The following NOS1AP variants were observed in gnomAD, a reference collection of about 807,000 sequenced individuals.
NOS1AP encodes the protein nitric oxide synthase 1 adaptor protein, also known as carboxyl-terminal PDZ ligand of neuronal nitric oxide synthase protein.
In NOS1AP, 21 loss-of-function variants were observed where a neutral mutation model predicts 56.2. The ratio of observed to expected loss-of-function variants is 0.37; its 90% confidence interval spans 0.26 to 0.54. The LOEUF (loss-of-function observed/expected upper bound fraction) is 0.54. NOS1AP is among the 20% of genes least tolerant of loss of function. The pLI is 0.84. For synonymous variants in NOS1AP, 270 were observed against 274.6 expected, an observed-to-expected ratio of 0.98 and a Z score of 0.17; for missense variants, 522 against 657.8, an observed-to-expected ratio of 0.79 and a Z score of 2.26.
chr1:162,216,549 A>G (rs1190565648), intron 2 of NOS1AP, among the ~76,000 whole-genome samples: 5 of 152,174 alleles, frequency 3.3e-5, no homozygotes, highest in Non-Finnish European at 1.5e-5. Flanking sequence ...TATGTACTTT[A>G]GGCAAGTCGC....
intron 1 of NOS1AP, among the ~76,000 whole-genome samples, chr1:162,100,598 A>T (rs1319258120): frequency 6.6e-6 from 1 of 151,444 alleles, no homozygotes; most frequent in Admixed American, 6.6e-5. Flanking sequence ...GTTCACTCTG[A>T]TGGTATTTTC....
At chr1:162,346,905 C>T (rs1156396715) in intron 6 of NOS1AP, among the ~76,000 whole-genome samples, 1 of 152,162 alleles carries the variant, frequency 6.6e-6, no homozygotes, top group Non-Finnish European at 1.5e-5. Context: ...GTCATGTACC[C>T]TTGGCCAGTC....
intron 4 of NOS1AP, among the ~76,000 whole-genome samples, chr1:162,302,304 T>C (rs995753979): frequency 6.6e-6 from 1 of 152,172 alleles, no homozygotes; most frequent in Non-Finnish European, 1.5e-5. Flanking sequence ...GTGCAATGGG[T>C]GGATGGATAA....
At chr1:162,092,412 G>C (rs895902640) in intron 1 of NOS1AP, among the ~76,000 whole-genome samples, 1 of 152,188 alleles carries the variant, frequency 6.6e-6, no homozygotes, top group African/African-American at 2.4e-5. Context: ...GGCTTCGTCA[G>C]TCCTGTTGAA....
At chr1:162,311,980 CATT>C (rs1240523659) in intron 4 of NOS1AP, among the ~76,000 whole-genome samples, 2 of 126,614 alleles carry the variant, frequency 1.6e-5, no homozygotes, top group African/African-American at 6.2e-5. Context: ...TCCAGTCTAT[CATT>C]GTTGGACATT....
At chr1:162,163,688 G>C (rs1319597286) in intron 2 of NOS1AP, among the ~76,000 whole-genome samples, 2 of 152,122 alleles carry the variant, frequency 1.3e-5, no homozygotes, top group South Asian at 2.1e-4. Context: ...TTCCTGGGGG[G>C]CAGGAATGGG....
intron 1 of NOS1AP, among the ~76,000 whole-genome samples, chr1:162,098,285 T>G (rs1692295738): frequency 6.6e-6 from 1 of 151,862 alleles, no homozygotes; most frequent in Non-Finnish European, 1.5e-5. Context: ...GTTTGTATCT[T>G]TAGTAGAGAG....
At chr1:162,265,490 G>A (rs1166247940) in intron 2 of NOS1AP, among the ~76,000 whole-genome samples, 1 of 147,794 alleles carries the variant, frequency 6.8e-6, no homozygotes, top group Non-Finnish European at 1.5e-5. Flanking sequence ...TTGGTTTTTT[G>A]TCCTTGTGAT....
intron 2 of NOS1AP, among the ~76,000 whole-genome samples, chr1:162,264,327 T>C (rs529036558): frequency 6.6e-6 from 1 of 152,198 alleles, no homozygotes; most frequent in East Asian, 1.9e-4. Flanking sequence ...GTAGCCTCTG[T>C]AATCCCTCCA....
chr1:162,202,574 A>G (rs550542775), intron 2 of NOS1AP, among the ~76,000 whole-genome samples: 54 of 152,298 alleles, frequency 3.5e-4, no homozygotes, highest in African/African-American at 1.3e-3. Flanking sequence ...AATGTGGGCC[A>G]TTAAGTTTAT....
chr1:162,113,031 C>T (rs965751827), intron 1 of NOS1AP, among the ~76,000 whole-genome samples: 3 of 152,278 alleles, frequency 2.0e-5, no homozygotes, highest in Admixed American at 2.0e-4. Flanking sequence ...TTCTGGGCTG[C>T]ATCTCTGAAT....
At chr1:162,171,389 A>ATG (rs570640833) in intron 2 of NOS1AP, among the ~76,000 whole-genome samples, 7 of 152,188 alleles carry the variant, frequency 4.6e-5, no homozygotes, top group Admixed American at 4.6e-4. Flanking sequence ...GGAAAGGGTT[A>ATG]TGTAACCCTG....
intron 1 of NOS1AP, among the ~76,000 whole-genome samples, chr1:162,153,407 G>A (rs570123666): frequency 1.3e-5 from 2 of 152,254 alleles, no homozygotes; most frequent in East Asian, 3.9e-4. Context: ...AGAATTACAG[G>A]CATGAGCCAC....
At chr1:162,116,341 T>A (rs1647950875) in intron 1 of NOS1AP, among the ~76,000 whole-genome samples, 1 of 152,118 alleles carries the variant, frequency 6.6e-6, no homozygotes, top group Admixed American at 6.5e-5. Flanking sequence ...CCCAGTAAAT[T>A]TGCGTGGACA....
chr1:162,300,563 A>G (rs929081946), intron 3 of NOS1AP, 70 bp from the exon 4 acceptor site: 5 of 1,348,810 alleles, frequency 3.7e-6, no homozygotes, highest in African/African-American at 1.4e-5. Context: ...ATGTGTTTGC[A>G]TAAGTATGCA....
chr1:162,202,234 C>A, intron 2 of NOS1AP, among the ~76,000 whole-genome samples: 1 of 151,946 alleles, frequency 6.6e-6, no homozygotes, highest in Non-Finnish European at 1.5e-5. Flanking sequence ...TTTTCCTTGA[C>A]CCTGAAAGCG....
intron 4 of NOS1AP, chr1:162,316,926 G>T (rs1221349821): frequency 1.2e-5 from 2 of 166,250 alleles, no homozygotes. Context: ...GGTCACTGGG[G>T]ATATGATGGC....
At chr1:162,153,237 T>C (rs1301385213) in intron 1 of NOS1AP, among the ~76,000 whole-genome samples, 1 of 152,226 alleles carries the variant, frequency 6.6e-6, no homozygotes, top group Non-Finnish European at 1.5e-5. Flanking sequence ...CAAGCAATTC[T>C]CATGCCTCAG....
chr1:162,097,899 G>T (rs1032707249), intron 1 of NOS1AP, among the ~76,000 whole-genome samples: 1 of 149,298 alleles, frequency 6.7e-6, no homozygotes, highest in South Asian at 2.1e-4. Context: ...ATATTTATTC[G>T]TTTTTTTTCT....
Sources: gnomAD v4.1 joint callset for allele counts (sites outside exome capture counted in the v4.1 genomes callset) on GRCh38, gnomAD v4.1.1 for gene constraint, MANE v1.5 for transcripts, NCBI Gene and HGNC (gene_info 2026-07-23, HGNC 2026-07-21) for gene names.